Variants in TUNAR observed in about 807,000 individuals in gnomAD.
TUNAR encodes transmembrane neural differentiation associated intracellular calcium regulator.
chr14:95,890,786 C>T (rs140657232), intron 2 of TUNAR, among the ~76,000 whole-genome samples: 115 of 152,282 alleles, frequency 7.6e-4, no homozygotes, highest in Non-Finnish European at 8.2e-4. Flanking sequence ...ATATTAGAAT[C>T]GTGAAAGTAT....
chr14:95,913,325 A>C (rs1282474642), intron 2 of TUNAR, among the ~76,000 whole-genome samples: 2 of 147,096 alleles, frequency 1.4e-5, no homozygotes, highest in Non-Finnish European at 3.0e-5. Context: ...CTTGTCCCCC[A>C]CTCCCCGACA....
chr14:95,905,347 CCTT>C (rs1335467332), intron 2 of TUNAR, among the ~76,000 whole-genome samples: 1 of 152,216 alleles, frequency 6.6e-6, no homozygotes, highest in Non-Finnish European at 1.5e-5. Context: ...TGCCATGTCT[CCTT>C]ATTCCCCTCC....
At chr14:95,888,027 G>A (rs531458710) in intron 2 of TUNAR, among the ~76,000 whole-genome samples, 3 of 152,340 alleles carry the variant, frequency 2.0e-5, no homozygotes, top group South Asian at 2.1e-4. Context: ...CACTTTGGGG[G>A]ACATGCACCT....
At chr14:95,883,694 C>T (rs1414330062) in intron 2 of TUNAR, among the ~76,000 whole-genome samples, 2 of 152,130 alleles carry the variant, frequency 1.3e-5, no homozygotes, top group African/African-American at 4.8e-5. Flanking sequence ...CTTCTCTCTC[C>T]TCTCACCTGG....
intron 2 of TUNAR, among the ~76,000 whole-genome samples, chr14:95,888,388 C>T (rs1430319228): frequency 6.6e-6 from 1 of 152,188 alleles, no homozygotes. Flanking sequence ...CATACAAAAA[C>T]ACCTCAGATA....
chr14:95,924,304 T>A (rs936090199), exon 3 of TUNAR: 1 of 152,196 alleles, frequency 6.6e-6, no homozygotes, highest in African/African-American at 2.4e-5. Context: ...CCTAAAGGAC[T>A]TCTGTATTTT....
exon 3 of TUNAR, chr14:95,924,104 A>C (rs1002309002): frequency 1.3e-5 from 2 of 152,226 alleles, no homozygotes; most frequent in African/African-American, 4.8e-5. Context: ...GTTGGGAAGA[A>C]CAAGGGGGAA....
chr14:95,918,904 A>T (rs1225366622), intron 2 of TUNAR, among the ~76,000 whole-genome samples: 1 of 152,172 alleles, frequency 6.6e-6, no homozygotes, highest in East Asian at 1.9e-4. Flanking sequence ...GTTGCCCCAG[A>T]GCACCCACTC....
intron 2 of TUNAR, among the ~76,000 whole-genome samples, chr14:95,888,912 G>A (rs984974594): frequency 2.6e-5 from 4 of 152,182 alleles, no homozygotes; most frequent in East Asian, 1.9e-4. Flanking sequence ...AAGGTAGACC[G>A]TTGCAAGGCA....
intron 2 of TUNAR, among the ~76,000 whole-genome samples, chr14:95,885,857 A>G (rs1187680146): frequency 6.6e-6 from 1 of 152,192 alleles, no homozygotes; most frequent in African/African-American, 2.4e-5. Flanking sequence ...CTGTGTGGGA[A>G]TGAGCATGGT....
At chr14:95,917,311 C>T (rs1395657017) in intron 2 of TUNAR, among the ~76,000 whole-genome samples, 1 of 152,146 alleles carries the variant, frequency 6.6e-6, no homozygotes, top group Non-Finnish European at 1.5e-5. Flanking sequence ...GACCCGTTTA[C>T]CCCTGTGGAT....
chr14:95,914,923 G>A (rs892043872), intron 2 of TUNAR, among the ~76,000 whole-genome samples: 2 of 152,136 alleles, frequency 1.3e-5, no homozygotes, highest in Admixed American at 6.5e-5. Context: ...AAAAACCGTG[G>A]TGCTCCCTTG....
chr14:95,917,480 C>G (rs935012494), intron 2 of TUNAR, among the ~76,000 whole-genome samples: 2 of 152,148 alleles, frequency 1.3e-5, no homozygotes, highest in Non-Finnish European at 2.9e-5. Flanking sequence ...TCCATTTGCT[C>G]TTTGATATAC....
Position 95,895,385 on chromosome 14 carries a change from C to G in TUNAR, c.12+18208C>G, listed in dbSNP as rs1458784460. 6.6e-6 allele frequency among the ~76,000 whole-genome samples: 1 copy of G among 152,036 alleles called. No individual in the cohort carries two copies. The highest frequency in any genetic ancestry group is 1.5e-5 in the Non-Finnish European group (1 of 68,012). On this transcript the variant is annotated intron_variant, in intron 2 of 2. Transcript: ENST00000678517. The surrounding 1 kb of genome is among the most constrained non-coding windows in gnomAD (Gnocchi z 4.5). ...AGCTCCGTAGCCAAAGACCTGAGTTCCAGCAAATCACACATGTGTGCATGT... is the reference window on the plus strand; with the variant it reads ...AGCTCCGTAGCCAAAGACCTGAGTTGCAGCAAATCACACATGTGTGCATGT...
At chr14:95,883,259 C>A (rs1416250651) in intron 2 of TUNAR, among the ~76,000 whole-genome samples, 1 of 152,354 alleles carries the variant, frequency 6.6e-6, no homozygotes, top group South Asian at 2.1e-4. Context: ...TCTTCTACAG[C>A]AGGGCTGGTT....
intron 2 of TUNAR, among the ~76,000 whole-genome samples, chr14:95,899,549 T>C (rs917237128): frequency 6.6e-6 from 1 of 152,210 alleles, no homozygotes; most frequent in African/African-American, 2.4e-5. Context: ...ATAGCATAAA[T>C]TGAGTGGCTT....
At chr14:95,898,027 G>A (rs1384546242) in intron 2 of TUNAR, among the ~76,000 whole-genome samples, 1 of 152,000 alleles carries the variant, frequency 6.6e-6, no homozygotes, top group Non-Finnish European at 1.5e-5. Context: ...TCCTCTCCAG[G>A]GCTGCTGCCC....
intron 2 of TUNAR, among the ~76,000 whole-genome samples, chr14:95,907,394 C>T (rs1206480703): frequency 6.6e-6 from 1 of 152,162 alleles, no homozygotes; most frequent in Non-Finnish European, 1.5e-5. Flanking sequence ...GAAAGCTTTG[C>T]CTTCAAGGGT....
intron 2 of TUNAR, among the ~76,000 whole-genome samples, chr14:95,878,128 C>T (rs1888920416): frequency 6.6e-6 from 1 of 152,332 alleles, no homozygotes; most frequent in Admixed American, 6.5e-5. Flanking sequence ...GGGGCTGGCC[C>T]AGTGTTGGCT....
Sources: gnomAD v4.1 joint callset for allele counts (sites outside exome capture counted in the v4.1 genomes callset) on GRCh38, gnomAD v4.1.1 for gene constraint, Gnocchi (gnomAD v3.1) non-coding constraint, MANE v1.5 for transcripts, NCBI Gene and HGNC (gene_info 2026-07-23, HGNC 2026-07-21) for gene names.